The following ABCC4 variants were observed in gnomAD, a reference collection of about 807,000 sequenced individuals.
The protein encoded by ABCC4 is ATP-binding cassette sub-family C member 4.
In ABCC4, 102 loss-of-function variants were observed where a neutral mutation model predicts 168.5. The ratio of observed to expected loss-of-function variants is 0.61; its 90% CI spans 0.52 to 0.71. ABCC4 has a LOEUF of 0.71. Ranked by LOEUF, ABCC4 falls within the 30% of genes least tolerant of loss-of-function variation. The probability of loss-of-function intolerance (pLI) is 0.00; values close to 1 mark genes in which losing one functional copy is unlikely to be tolerated. For missense variants in ABCC4, 1,402 were observed against 1,605.8 expected (o/e 0.87, Z 2.17); for synonymous variants, 617 against 590.7 (o/e 1.04, Z -0.65).
intron 30 of ABCC4, among the ~76,000 whole-genome samples, chr13:95,029,038 G>T (rs2031681009): frequency 6.6e-6 from 1 of 151,394 alleles, no homozygotes; most frequent in African/African-American, 2.4e-5. Flanking sequence ...CATGGTGGTG[G>T]GCGCCTGTAA....
intron 1 of ABCC4, among the ~76,000 whole-genome samples, chr13:95,249,331 C>G (rs2040198071): frequency 6.6e-6 from 1 of 152,058 alleles, no homozygotes; most frequent in Non-Finnish European, 1.5e-5. Context: ...GCTGTCTTAT[C>G]TGGCCATGTG....
intron 19 of ABCC4, among the ~76,000 whole-genome samples, chr13:95,156,852 G>C (rs2036877936): frequency 6.6e-6 from 1 of 152,106 alleles, no homozygotes; most frequent in Non-Finnish European, 1.5e-5. Flanking sequence ...CAGCACTTTA[G>C]GAGGCCAAGA....
intron 5 of ABCC4, 99 bp from the exon 6 acceptor site, chr13:95,209,696 C>A (rs778002639): frequency 2.0e-5 from 24 of 1,207,288 alleles, no homozygotes; most frequent in Middle Eastern, 2.9e-4. Flanking sequence ...CAGGCAAGAT[C>A]CTAAACAGAA....
intron 8 of ABCC4, among the ~76,000 whole-genome samples, chr13:95,203,781 A>T (rs1214456925): frequency 6.6e-6 from 1 of 151,908 alleles, no homozygotes; most frequent in East Asian, 1.9e-4. Flanking sequence ...GATCCAGTCC[A>T]CTCTGAAAAA....
At chr13:95,066,367 C>T (rs961133509) in intron 25 of ABCC4, among the ~76,000 whole-genome samples, 20 of 152,144 alleles carry the variant, frequency 1.3e-4, no homozygotes, top group African/African-American at 4.6e-4. Flanking sequence ...TTCTATCTTA[C>T]GGAGCAGGCA....
At chr13:95,253,818 T>G (rs2040328025) in intron 1 of ABCC4, among the ~76,000 whole-genome samples, 1 of 152,122 alleles carries the variant, frequency 6.6e-6, no homozygotes, top group South Asian at 2.1e-4. Context: ...AGTCTCCATA[T>G]AAACATAATA....
intron 1 of ABCC4, among the ~76,000 whole-genome samples, chr13:95,259,411 C>T (rs915877504): frequency 3.3e-5 from 5 of 150,668 alleles, no homozygotes; most frequent in African/African-American, 7.3e-5. Context: ...AAAAAAGAAA[C>T]GCCTTCCCCT....
intron 21 of ABCC4, among the ~76,000 whole-genome samples, chr13:95,080,103 T>C (rs1447591136): frequency 2.0e-5 from 3 of 152,174 alleles, no homozygotes; most frequent in Non-Finnish European, 4.4e-5. Context: ...CCTATTCCTG[T>C]GCCGCTTATT....
At chr13:95,069,871 G>A (rs2033668758) in intron 25 of ABCC4, among the ~76,000 whole-genome samples, 1 of 152,186 alleles carries the variant, frequency 6.6e-6, no homozygotes, top group Non-Finnish European at 1.5e-5. Context: ...TCAGTCAATG[G>A]ACACTTGGGC....
chr13:95,163,263 A>C, intron 17 of ABCC4, 47 bp from the exon 18 acceptor site: 1 of 1,278,914 alleles, frequency 7.8e-7, no homozygotes, highest in Non-Finnish European at 1.1e-6. Context: ...TATGAAATTT[A>C]GATAAATACA....
chr13:95,141,328 T>C (rs943439161), intron 19 of ABCC4, among the ~76,000 whole-genome samples: 1 of 152,242 alleles, frequency 6.6e-6, no homozygotes, highest in Non-Finnish European at 1.5e-5. Context: ...TACTTTTCAC[T>C]GAGTTTCACT....
intron 30 of ABCC4, among the ~76,000 whole-genome samples, chr13:95,025,302 C>T (rs1199747468): frequency 1.9e-5 from 1 of 51,530 alleles, no homozygotes. Context: ...CACCCACATA[C>T]GCCCACCCCC....
At chr13:95,206,938 G>C (rs1324008070) in intron 7 of ABCC4, among the ~76,000 whole-genome samples, 157 bp from the exon 8 acceptor site, 1 of 152,168 alleles carries the variant, frequency 6.6e-6, no homozygotes, top group African/African-American at 2.4e-5. Flanking sequence ...AAGTGCAAAG[G>C]TGAGAGGTGG....
chr13:95,112,169 A>G (rs1443272575), intron 20 of ABCC4, among the ~76,000 whole-genome samples: 2 of 152,148 alleles, frequency 1.3e-5, no homozygotes, highest in African/African-American at 4.8e-5. Context: ...CCTGAGCAAC[A>G]TGGCAAAACC....
intron 24 of ABCC4, 121 bp from the exon 25 acceptor site, chr13:95,071,974 C>T (rs2033741994): frequency 2.7e-6 from 2 of 743,166 alleles, no homozygotes; most frequent in South Asian, 4.0e-5. Flanking sequence ...AAGCAGGAGA[C>T]AGACGAGGAT....
intron 14 of ABCC4, among the ~76,000 whole-genome samples, chr13:95,169,161 G>A (rs1019620940): frequency 5.9e-5 from 9 of 152,126 alleles, no homozygotes; most frequent in Non-Finnish European, 7.3e-5. Context: ...GCGGCCCTGC[G>A]GACACCTTGA....
Position 95,150,050 on chromosome 13 carries a change from T to C in ABCC4, c.2455+11139A>G, listed in dbSNP as rs562614225. Among the ~76,000 whole-genome samples the C allele has an allele frequency of 5.9e-5, 9 of 152,310 alleles. 1 individual carries two copies. The highest frequency in any genetic ancestry group is 2.1e-4 in the South Asian group (1 of 4,824). On this transcript the variant is annotated intron_variant, in intron 19 of 30. Transcript: ENST00000645237. ...GGGCAATACAGTAATCATAGCTCAC[T>C]GCAGCTTCTAACATTTGGGCTCAAG...
At chr13:95,128,771 C>A (rs1329918385) in intron 19 of ABCC4, among the ~76,000 whole-genome samples, 1 of 152,166 alleles carries the variant, frequency 6.6e-6, no homozygotes, top group African/African-American at 2.4e-5. Flanking sequence ...GTTCCCTGAA[C>A]CTACCTTATC....
rs1203714529 is a variant in ABCC4, at chr13:95,025,421, TACACACCCACATCCCCTGACACCCACAC to T, written c.3871-3767_3871-3740del. On this transcript the variant is annotated intron_variant, in intron 30 of 30. Coordinates refer to ENST00000645237, the MANE Select transcript of ABCC4 (RefSeq NM_005845.5). ...CACACATACCCCCACCACACACCCA[TACACACCCACATCCCCTGACACCCACAC>T]ACACACCCACACACCCACACACCCA... Among the ~76,000 whole-genome samples the T allele has an allele frequency of 7.0e-4, 9 of 12,830 alleles. 1 individual carries two copies. In the East Asian group the frequency reaches 0.018, roughly 26 times the overall value. The allele number at this position is 12,830 out of a possible 152,430, so 8.4% of individuals were successfully genotyped here. A position where few individuals can be genotyped will look rare whatever the true frequency, so the allele number is the denominator to read the frequency against.
Sources: allele counts gnomAD v4.1 joint callset (sites outside exome capture counted in the v4.1 genomes callset), GRCh38; gene constraint gnomAD v4.1.1; transcripts MANE v1.5; gene names NCBI Gene and HGNC (gene_info 2026-07-23, HGNC 2026-07-21).